MKRN2: variants seen among roughly 807,000 people sequenced by gnomAD.
The protein encoded by MKRN2 is E3 ubiquitin-protein ligase makorin-2.
A neutral mutation model predicts 45.4 loss-of-function variants in MKRN2; 32 were observed. The observed-to-expected ratio is 0.70, with a 90% confidence interval of 0.53 to 0.95. The LOEUF (loss-of-function observed/expected upper bound fraction) is 0.95, where lower values mean the gene tolerates loss of function less well. Among genes scored for constraint, MKRN2 ranks in the 40% least tolerant of loss-of-function variants. MKRN2 has a pLI of 0.00. For missense variants in MKRN2, 526 were observed against 536.7 expected (o/e 0.98, Z 0.20); for synonymous variants, 206 against 192.4 (o/e 1.07, Z -0.59).
chr3:12,582,033 G>C, intron 7 of MKRN2, 81 bp downstream of exon 7: 1 of 1,609,370 alleles, frequency 6.2e-7, no homozygotes, highest in Non-Finnish European at 8.5e-7. Flanking sequence ...AGAGAAATGG[G>C]GTAGGCAAAA....
Position 12,582,521 on chromosome 3 carries a change from A to G in MKRN2, c.*268A>G. ...GCCCCTCAGGGGTAACAACTAACAA[A>G]CACCCAAACTGTTTGGATTGATTGC... On this transcript the variant is annotated 3_prime_UTR_variant, in exon 8 of 8. Transcript: ENST00000170447. The G allele has an allele frequency of 2.8e-6, 1 of 356,106 alleles. No homozygotes were observed. Among genetic ancestry groups the G allele is most frequent in the Non-Finnish European group, 5.1e-6 (1 of 195,088 alleles). 22.1% of individuals were successfully genotyped at this position (356,106 alleles called of 1,614,324 possible).
Position 12,572,098 on chromosome 3 carries a change from C to G in MKRN2, c.367C>G (p.Gln123Glu). ...NLSGMAERKT[Q>E]PSMVSNPGSC... ...CTCTGGCATGGCTGAAAGGAAGACC[C>G]AGCCGAGCATGGTGAGTAATCCAGG... The change falls in exon 4 of 8, where the codon CAG becomes GAG. Residue 123 changes from glutamine to glutamate, a missense_variant. Physicochemically the swap from Gln to Glu is conservative, Grantham distance 29. Coordinates refer to ENST00000170447, the MANE Select transcript of MKRN2 (RefSeq NM_014160.5). 6.2e-7 allele frequency: 1 copy of G among 1,611,884 alleles called. No homozygotes were observed.
chr3:12,569,127 T>G, intron 2 of MKRN2, 124 bp downstream of exon 2: 1 of 1,253,082 alleles, frequency 8.0e-7, no homozygotes, highest in South Asian at 1.7e-5. Context: ...GCAAATAAGT[T>G]TAAAACCTCA....
intron 1 of MKRN2, among the ~76,000 whole-genome samples, chr3:12,559,348 A>G (rs1479793772): frequency 6.6e-6 from 1 of 152,200 alleles, no homozygotes; most frequent in African/African-American, 2.4e-5. Context: ...GTCTCTAGAC[A>G]TTGATAATTT....
At chr3:12,559,751 C>G (rs971844719) in intron 1 of MKRN2, among the ~76,000 whole-genome samples, 1 of 152,086 alleles carries the variant, frequency 6.6e-6, no homozygotes, top group African/African-American at 2.4e-5. Context: ...TTTGCTGATT[C>G]CCCTCCCCCA....
In MKRN2 at chr3:12,583,369, G is replaced by A. The variant is rs2058203306; in HGVS notation, c.*1116G>A. 4 of 167,706 alleles carry A rather than the reference G, an allele frequency of 2.4e-5. No homozygotes were observed. 10.4% of individuals were successfully genotyped at this position (167,706 alleles called of 1,614,324 possible). A position where few individuals can be genotyped will look rare whatever the true frequency, so the allele number is the denominator to read the frequency against. Reference sequence around the variant, plus strand: ...CAAATAAATAAATAGTTTATAAAATGTATTACTTAAGGTATTAGCTGAGTT... The same window carrying A: ...CAAATAAATAAATAGTTTATAAAATATATTACTTAAGGTATTAGCTGAGTT... On this transcript the variant is annotated 3_prime_UTR_variant, in exon 8 of 8. Coordinates refer to ENST00000170447, the MANE Select transcript of MKRN2 (RefSeq NM_014160.5).
At chr3:12,559,984 A>C (rs2058023044) in intron 1 of MKRN2, among the ~76,000 whole-genome samples, 1 of 152,190 alleles carries the variant, frequency 6.6e-6, no homozygotes. Flanking sequence ...TTCAGCTGGC[A>C]GGTGGTAGGA....
intron 7 of MKRN2, 80 bp from the exon 8 acceptor site, chr3:12,582,036 A>G (rs1449739395): frequency 1.2e-6 from 2 of 1,609,250 alleles, no homozygotes; most frequent in East Asian, 4.5e-5. Flanking sequence ...GAAATGGGGT[A>G]GGCAAAAGAA....
At chr3:12,577,584 G>GT (rs1368080132) in intron 6 of MKRN2, among the ~76,000 whole-genome samples, 1 of 151,742 alleles carries the variant, frequency 6.6e-6, no homozygotes, top group East Asian at 1.9e-4. Context: ...CTGATTCTTC[G>GT]TATGTCTAGT....
chr3:12,576,606 C>G (rs1268197767), intron 5 of MKRN2, 25 bp from the exon 6 acceptor site: 1 of 1,529,986 alleles, frequency 6.5e-7, no homozygotes, highest in Non-Finnish European at 9.0e-7. Context: ...TGACTTCTCC[C>G]TTAGTAATCT....
In MKRN2 at chr3:12,574,841, A is replaced by G; in HGVS notation, c.692A>G (p.Gln231Arg). ...EHEMEKAFAF[Q>R]ASQDKVCSIC... The stretch of plus-strand genomic sequence containing the variant: ...GAGATGGAAAAGGCCTTTGCCTTCC[A>G]GGCAAGCCAGGACAAAGTGTGCAGT... Residue 231 changes from glutamine to arginine, a missense_variant, in exon 5 of 8, where the codon CAG becomes CGG. Coordinates refer to ENST00000170447, the MANE Select transcript of MKRN2 (RefSeq NM_014160.5). 6.2e-7 allele frequency: 1 copy of G among 1,614,176 alleles called. No homozygotes were observed. The highest frequency in any genetic ancestry group is 8.5e-7 in the Non-Finnish European group (1 of 1,180,016).
Position 12,570,154 on chromosome 3 carries a change from G to GTCC in MKRN2, c.242_244dup (p.Pro81dup). 6.2e-7 allele frequency: 1 copy of GTCC among 1,614,102 alleles called. No homozygotes were observed. The highest frequency in any genetic ancestry group is 8.5e-7 in the Non-Finnish European group (1 of 1,180,032). On this transcript the variant is annotated inframe_insertion, in exon 3 of 8. Coordinates refer to ENST00000170447, the MANE Select transcript of MKRN2 (RefSeq NM_014160.5). ...AGTGTGCCCTCCCCAGCTTTCCACAGTCCTCACCCTCCTTCCGAGGTCACT... is the reference window on the plus strand; with the variant it reads ...AGTGTGCCCTCCCCAGCTTTCCACAGTCCTCCTCACCCTCCTTCCGAGGTCACT...
At chr3:12,558,647 T>C (rs1325411638) in intron 1 of MKRN2, among the ~76,000 whole-genome samples, 1 of 152,206 alleles carries the variant, frequency 6.6e-6, no homozygotes, top group Non-Finnish European at 1.5e-5. Flanking sequence ...TTTTACACCT[T>C]AGTAGAGGCA....
At chr3:12,557,502 C>G (rs772742607) in intron 1 of MKRN2, among the ~76,000 whole-genome samples, 3 of 152,226 alleles carry the variant, frequency 2.0e-5, no homozygotes, top group Non-Finnish European at 4.4e-5. Flanking sequence ...CTGGGGCTTA[C>G]GCTTTAACTG....
At chr3:12,567,890 G>C (rs974422687) in intron 1 of MKRN2, among the ~76,000 whole-genome samples, 1 of 152,112 alleles carries the variant, frequency 6.6e-6, no homozygotes, top group African/African-American at 2.4e-5. Flanking sequence ...TAGCCTCCCA[G>C]GTATTCCTGT....
chr3:12,581,910 T>C lies in MKRN2; in HGVS notation c.1071T>C (p.Pro357=). 6.2e-7 allele frequency: 1 copy of C among 1,614,220 alleles called. No homozygotes were observed. The highest frequency in any genetic ancestry group is 8.5e-7 in the Non-Finnish European group (1 of 1,180,048). ...HAYPDGRLAE[P]EKPRKQLSSQ... is the part of the protein sequence containing the mutation. ...ACCCCGATGGGCGGCTAGCAGAGCC[T>C]GAGAAACCTCGGAAACAGCTCAGTT... The change falls in exon 7 of 8, where the codon CCT becomes CCC. Residue 357 remains proline, a synonymous_variant. Coordinates refer to ENST00000170447, the MANE Select transcript of MKRN2 (RefSeq NM_014160.5).
intron 4 of MKRN2, 65 bp downstream of exon 4, chr3:12,572,438 G>A: frequency 1.4e-6 from 2 of 1,435,988 alleles, no homozygotes; most frequent in Non-Finnish European, 1.9e-6. Context: ...ACAGGACACG[G>A]AAGGCCATCC....
chr3:12,578,474 C>T (rs1159236705), intron 6 of MKRN2, among the ~76,000 whole-genome samples: 1 of 152,024 alleles, frequency 6.6e-6, no homozygotes, highest in African/African-American at 2.4e-5. Context: ...CATGCCGCCA[C>T]GCCTGGCTAA....
intron 1 of MKRN2, among the ~76,000 whole-genome samples, chr3:12,563,950 G>T (rs1204002358): frequency 6.6e-6 from 1 of 151,092 alleles, no homozygotes; most frequent in Non-Finnish European, 1.5e-5. Context: ...CTACTTTGAA[G>T]TCTTCTATTT....
Sources: allele counts gnomAD v4.1 joint callset (sites outside exome capture counted in the v4.1 genomes callset), GRCh38; gene constraint gnomAD v4.1.1; transcripts MANE v1.5; gene names NCBI Gene and HGNC (gene_info 2026-07-23, HGNC 2026-07-21).